Variants in SI observed in about 807,000 individuals in gnomAD.
SI encodes sucrase-isomaltase, intestinal.
In SI, 235 loss-of-function variants were observed where a neutral mutation model predicts 253.3. The ratio of observed to expected loss-of-function variants is 0.93; its 90% CI spans 0.83 to 1.03. The LOEUF (loss-of-function observed/expected upper bound fraction) is 1.03, where lower values mean the gene tolerates loss of function less well. SI is among the 50% of genes least tolerant of loss of function. The probability of loss-of-function intolerance (pLI) is 0.00; values close to 1 mark genes in which losing one functional copy is unlikely to be tolerated. For synonymous variants in SI, 819 were observed against 712.0 expected (o/e 1.15, Z -2.39); for missense variants, 2,442 against 2,211.1 (o/e 1.10, Z -2.09).
In SI at chr3:165,006,965, T is replaced by A. The variant is rs1264619452; in HGVS notation, c.4268-11A>T. On this transcript the variant is annotated splice_polypyrimidine_tract_variant and intron_variant, in intron 36 of 47. Coordinates refer to ENST00000264382, the MANE Select transcript of SI (RefSeq NM_001041.4). ...TTCTTTTTGTGAGTTCTGGAAAGAA[T>A]CAATGAAAAAATATTAATATATTAT... 2.5e-6 allele frequency: 4 copies of A among 1,580,254 alleles called. No individual in the cohort carries two copies. The highest frequency in any genetic ancestry group is 2.3e-5 in the East Asian group (1 of 43,754).
At chr3:165,075,659 A>G (rs1030775023) in intron 2 of SI, among the ~76,000 whole-genome samples, 1 of 151,954 alleles carries the variant, frequency 6.6e-6, no homozygotes, top group Non-Finnish European at 1.5e-5. Context: ...CTCTTTGTCA[A>G]GTAGCTAGGG....
chr3:165,029,891 C>T (rs1712144587), intron 25 of SI, among the ~76,000 whole-genome samples: 2 of 150,330 alleles, frequency 1.3e-5, no homozygotes, highest in South Asian at 4.2e-4. Flanking sequence ...CTTCTCCTTA[C>T]TTTTTCTGTT....
At chr3:165,008,676 C>T (rs1222605553) in intron 35 of SI, among the ~76,000 whole-genome samples, 2 of 151,904 alleles carry the variant, frequency 1.3e-5, no homozygotes, top group African/African-American at 2.4e-5. Context: ...CACATAGTGA[C>T]AGCTGTATAA....
intron 17 of SI, 44 bp from the exon 18 acceptor site, chr3:165,041,138 G>A: frequency 6.4e-7 from 1 of 1,572,452 alleles, no homozygotes; most frequent in Non-Finnish European, 8.7e-7. Context: ...GCTAAAGTAT[G>A]AGTGAAAATT....
chr3:165,079,960 A>G (rs1031253082), upstream of SI, among the ~76,000 whole-genome samples: 1 of 151,994 alleles, frequency 6.6e-6, no homozygotes, highest in African/African-American at 2.4e-5. Flanking sequence ...ATCTACACAT[A>G]AAATATAATC....
At chr3:164,991,106 G>T (rs1717712974) in intron 44 of SI, among the ~76,000 whole-genome samples, 1 of 152,040 alleles carries the variant, frequency 6.6e-6, no homozygotes, top group Non-Finnish European at 1.5e-5. Flanking sequence ...ACATCTGCCT[G>T]GGTCGCTCCA....
chr3:165,063,170 C>T (rs1714065341), intron 8 of SI, among the ~76,000 whole-genome samples: 1 of 151,870 alleles, frequency 6.6e-6, no homozygotes, highest in Admixed American at 6.6e-5. Context: ...ATGAAAACAC[C>T]CATTGGCATG....
rs1165581489 is a variant in SI at position 165,015,194 on chromosome 3, C to T, written c.3928G>A (p.Ala1310Thr). ...TCATTCTGCTGTCCTCTTTCAAATG[C>T]AGGGTAAGTCTTTGTTTCATTTCCT... ...ISGNETKTYP[A>T]FERGQQNDVF... Residue 1310 changes from alanine (A) to threonine (T), a missense_variant, in exon 33 of 48, where the codon GCA (alanine) becomes ACA (threonine). Coordinates refer to ENST00000264382, the MANE Select transcript of SI (RefSeq NM_001041.4). The T allele has an allele frequency of 6.2e-7, 1 of 1,613,186 alleles. No homozygotes were observed. The highest frequency in any genetic ancestry group is 8.5e-7 in the Non-Finnish European group (1 of 1,179,600).
chr3:165,079,153 C>A (rs188306713), upstream of SI, among the ~76,000 whole-genome samples: 172 of 151,610 alleles, frequency 1.1e-3, 1 homozygote, highest in Non-Finnish European at 2.3e-3. Context: ...AATTACACTA[C>A]TGGTTTAAGC....
chr3:165,055,206 A>T lies in SI; in HGVS notation c.1500T>A (p.Asp500Glu). The T allele has an allele frequency of 6.2e-7, 1 of 1,601,746 alleles. No individual in the cohort carries two copies. The highest frequency in any genetic ancestry group is 1.1e-5 in the South Asian group (1 of 90,812). ...CSIFHQEVQY[D>E]GLWIDMNEVS... is the part of the protein sequence containing the mutation. ...AATAGCTACTTACAATCCAAAGTCC[A>T]TCATATTGCACTTCTTGATGGAAAA... The change falls in exon 13 of 48, where the codon GAT becomes GAA. Residue 500 changes from aspartate to glutamate, a missense_variant. Transcript: ENST00000264382.
At chr3:165,043,301 C>A in intron 16 of SI, 126 bp from the exon 17 acceptor site, 2 of 652,472 alleles carry the variant, frequency 3.1e-6, no homozygotes, top group South Asian at 1.8e-5. Flanking sequence ...TTTATATATG[C>A]TTCCTTAAAC....
intron 45 of SI, among the ~76,000 whole-genome samples, chr3:164,983,693 A>G (rs1717306639): frequency 6.6e-6 from 1 of 151,992 alleles, no homozygotes; most frequent in Non-Finnish European, 1.5e-5. Context: ...GGGCTCAAGC[A>G]ATCCTCCCAC....
In SI at chr3:165,021,234, T is replaced by C. The variant is rs1395313720; in HGVS notation, c.3249A>G (p.Arg1083=). Reference sequence around the variant, plus strand: ...CAAATAATTCAATTACTTACATGACTCTTCCACTGCTTCTCCGTCGAATCT... The same window carrying C: ...CAAATAATTCAATTACTTACATGACCCTTCCACTGCTTCTCCGTCGAATCT... ...GIQIRRRSSG[R]VIWDSWLPGF... The change falls in exon 27 of 48, where the codon AGA becomes AGG. Residue 1083 remains arginine (R), a synonymous_variant. Coordinates refer to ENST00000264382, the MANE Select transcript of SI (RefSeq NM_001041.4). 1 of 1,610,088 alleles carries C rather than the reference T, an allele frequency of 6.2e-7. No homozygotes were observed. The highest frequency in any genetic ancestry group is 8.5e-7 in the Non-Finnish European group (1 of 1,177,198).
chr3:165,038,357 G>A (rs1024433300), intron 20 of SI, among the ~76,000 whole-genome samples: 14 of 151,532 alleles, frequency 9.2e-5, no homozygotes, highest in East Asian at 1.9e-4. Context: ...CATTATTTCC[G>A]TAAAAATAAA....
chr3:165,027,837 T>A (rs995711585), intron 25 of SI, among the ~76,000 whole-genome samples: 5 of 151,530 alleles, frequency 3.3e-5, no homozygotes, highest in Non-Finnish European at 5.9e-5. Flanking sequence ...AACGTAATAC[T>A]GAATGGGGAA....
At chr3:165,086,914 G>A in the SI span, among the ~76,000 whole-genome samples, 7 of 152,130 alleles carry the variant, frequency 4.6e-5, no homozygotes, top group African/African-American at 1.4e-4. Flanking sequence ...GTTCTCATGC[G>A]TAGAACTGCA....
intron 37 of SI, among the ~76,000 whole-genome samples, chr3:165,000,059 TTGG>T (rs747391043): frequency 5.6e-4 from 85 of 151,320 alleles, no homozygotes; most frequent in Non-Finnish European, 1.1e-3. Context: ...AGAGTAATAA[TTGG>T]TGATAATTCT....
intron 13 of SI, among the ~76,000 whole-genome samples, chr3:165,052,080 AAT>A (rs769369446): frequency 7.2e-5 from 11 of 152,186 alleles, no homozygotes; most frequent in South Asian, 2.1e-4. Flanking sequence ...ACCTTCCTTA[AAT>A]ATGTCTAAAG....
chr3:165,021,220 A>G lies in SI; in HGVS notation c.3254+9T>C, dbSNP rs749449445. ...AATATCCTTTATATCAAATAATTCA[A>G]TTACTTACATGACTCTTCCACTGCT... On this transcript the variant is annotated intron_variant, in intron 27 of 47. Coordinates refer to ENST00000264382, the MANE Select transcript of SI (RefSeq NM_001041.4). 2 of 1,607,754 alleles carry G rather than the reference A, an allele frequency of 1.2e-6. No homozygotes were observed. Among genetic ancestry groups the G allele is most frequent in the East Asian group, 2.2e-5 (1 of 44,674 alleles).
Sources: gnomAD v4.1 joint callset for allele counts (sites outside exome capture counted in the v4.1 genomes callset) on GRCh38, gnomAD v4.1.1 for gene constraint, MANE v1.5 for transcripts, NCBI Gene and HGNC (gene_info 2026-07-23, HGNC 2026-07-21) for gene names.